The following ZHX3 variants were observed in gnomAD, a reference collection of about 807,000 sequenced individuals.
The protein encoded by ZHX3 is zinc fingers and homeoboxes protein 3.
Under a neutral mutation model 64.5 loss-of-function variants are expected in ZHX3, and 20 were observed. The observed-to-expected ratio is 0.31, with a 90% CI of 0.22 to 0.45. The LOEUF (loss-of-function observed/expected upper bound fraction) is 0.45, where lower values mean the gene tolerates loss of function less well. Ranked by LOEUF, ZHX3 falls within the 20% of genes least tolerant of loss-of-function variation. The pLI, the probability that ZHX3 is intolerant of heterozygous loss-of-function variation, is 1.00. For synonymous variants in ZHX3, 423 were observed against 461.6 expected, an observed-to-expected ratio of 0.92 and a Z score of 1.07; for missense variants, 1,041 against 1,195.8, an observed-to-expected ratio of 0.87 and a Z score of 1.91.
intron 1 of ZHX3, chr20:41,317,078 T>C (rs1050184506): frequency 2.6e-5 from 4 of 152,436 alleles, no homozygotes; most frequent in Non-Finnish European, 5.9e-5. Flanking sequence ...CAGGCGGCTC[T>C]CGGGTGCACA....
At chr20:41,287,460 C>T (rs2043993581) in intron 1 of ZHX3, among the ~76,000 whole-genome samples, 1 of 152,172 alleles carries the variant, frequency 6.6e-6, no homozygotes. Flanking sequence ...AACCTCATCT[C>T]CTTGAGTGTA....
At position 41,181,579 on chromosome 20, in the gene ZHX3, C is replaced by G. The variant is rs2036253512; in HGVS notation, c.*3612G>C. The G allele has an allele frequency of 1.3e-5, 2 of 152,204 alleles. No individual in the cohort carries two copies. Among genetic ancestry groups the G allele is most frequent in the African/African-American group, 4.8e-5 (2 of 41,422 alleles). 9.4% of individuals were successfully genotyped at this position (152,204 alleles called of 1,614,324 possible). On this transcript the variant is annotated 3_prime_UTR_variant, in exon 4 of 4. Coordinates refer to ENST00000683867, the MANE Select transcript of ZHX3 (RefSeq NM_001384317.1). Reference sequence around the variant, plus strand: ...ACGAGGCTCAAGCAGAGAGCATCCACACAGCATCCAACCAGAAAGGCCAGT... The same window carrying G: ...ACGAGGCTCAAGCAGAGAGCATCCAGACAGCATCCAACCAGAAAGGCCAGT...
At chr20:41,234,889 A>G (rs762654288) in intron 2 of ZHX3, among the ~76,000 whole-genome samples, 4 of 152,216 alleles carry the variant, frequency 2.6e-5, no homozygotes, top group Non-Finnish European at 2.9e-5. Flanking sequence ...TGCTGACATG[A>G]AATACAAGAG....
At chr20:41,261,417 G>C (rs534586351) in intron 2 of ZHX3, among the ~76,000 whole-genome samples, 50 of 152,276 alleles carry the variant, frequency 3.3e-4, no homozygotes, top group Non-Finnish European at 5.7e-4. Context: ...TTCCTAGAGT[G>C]GTAGTCAAAC....
At chr20:41,310,332 C>A (rs1311583087) in intron 1 of ZHX3, among the ~76,000 whole-genome samples, 1 of 152,216 alleles carries the variant, frequency 6.6e-6, no homozygotes, top group Non-Finnish European at 1.5e-5. Context: ...AATGGTATGT[C>A]AAACCTTGTT....
chr20:41,279,645 T>C (rs1299149925), intron 1 of ZHX3, among the ~76,000 whole-genome samples: 1 of 151,976 alleles, frequency 6.6e-6, no homozygotes, highest in Non-Finnish European at 1.5e-5. Flanking sequence ...AGAATATATA[T>C]TATAAAAATA....
At chr20:41,197,944 AAGTACAAT>A (rs1266671825) in intron 3 of ZHX3, among the ~76,000 whole-genome samples, 2 of 152,036 alleles carry the variant, frequency 1.3e-5, no homozygotes, top group Non-Finnish European at 2.9e-5. Flanking sequence ...TATAAACCAA[AAGTACAAT>A]AGTACTGGCT....
At chr20:41,282,661 G>A (rs1028501928) in intron 1 of ZHX3, among the ~76,000 whole-genome samples, 1 of 152,028 alleles carries the variant, frequency 6.6e-6, no homozygotes, top group East Asian at 1.9e-4. Context: ...CCCAGCCCAC[G>A]ATTCATCTTT....
intron 2 of ZHX3, among the ~76,000 whole-genome samples, chr20:41,246,598 C>T (rs554759974): frequency 2.6e-5 from 4 of 152,252 alleles, no homozygotes; most frequent in Admixed American, 6.5e-5. Context: ...CTAGGCCAGG[C>T]GCAGTGGCTC....
At position 41,204,311 on chromosome 20, in the gene ZHX3, G is replaced by C. The variant is rs2038518217; in HGVS notation, c.606C>G (p.Leu202=). The change falls in exon 3 of 4, where the codon CTC becomes CTG. Residue 202 remains leucine (L), a synonymous_variant. Coordinates refer to ENST00000683867, the MANE Select transcript of ZHX3 (RefSeq NM_001384317.1). This position sits in a 1 kb window ranked among gnomAD's most constrained non-coding sequence, Gnocchi z 6.6. ...CAGGCTGGCTAGGGACATTCTCCTT[G>C]AGTGTATGAATTTTTTTGGCTTCAG... ...GKAEAKKIHT[L]KENVPSQPVG... is the part of the protein sequence containing the mutation. 1 of 1,614,226 alleles carries C rather than the reference G, an allele frequency of 6.2e-7. No individual in the cohort carries two copies. Among genetic ancestry groups the C allele is most frequent in the East Asian group, 2.2e-5 (1 of 44,882 alleles).
intron 3 of ZHX3, among the ~76,000 whole-genome samples, chr20:41,193,998 C>T (rs1017586618): frequency 6.6e-6 from 1 of 152,148 alleles, no homozygotes; most frequent in East Asian, 1.9e-4. Context: ...CCACAACTGG[C>T]CTCAAGTTTC....
At chr20:41,297,234 T>C (rs991797177) in intron 1 of ZHX3, among the ~76,000 whole-genome samples, 2 of 152,240 alleles carry the variant, frequency 1.3e-5, no homozygotes, top group Non-Finnish European at 2.9e-5. Context: ...CTCCCAAGTA[T>C]TGATGATTCA....
chr20:41,263,133 T>A, intron 2 of ZHX3, among the ~76,000 whole-genome samples: 1 of 151,880 alleles, frequency 6.6e-6, no homozygotes, highest in Non-Finnish European at 1.5e-5. Flanking sequence ...CAATAATAAA[T>A]TAAAGAGTAT....
intron 2 of ZHX3, among the ~76,000 whole-genome samples, chr20:41,238,992 C>CTCTT (rs1441146284): frequency 4.6e-5 from 4 of 86,300 alleles, no homozygotes; most frequent in Non-Finnish European, 6.3e-5. Flanking sequence ...TTTTCTCTCT[C>CTCTT]TTTTTTTTTT....
chr20:41,242,164 T>C (rs567888028), intron 2 of ZHX3, among the ~76,000 whole-genome samples: 1 of 152,324 alleles, frequency 6.6e-6, no homozygotes, highest in South Asian at 2.1e-4. Flanking sequence ...GATAAAATTA[T>C]AGGATGTCAG....
intron 2 of ZHX3, among the ~76,000 whole-genome samples, chr20:41,243,011 T>C (rs2041481174): frequency 6.6e-6 from 1 of 152,184 alleles, no homozygotes; most frequent in Non-Finnish European, 1.5e-5. Context: ...GGATGTGGTG[T>C]CCCTCTCATG....
chr20:41,193,782 C>G (rs2037254323), intron 3 of ZHX3, among the ~76,000 whole-genome samples: 1 of 151,550 alleles, frequency 6.6e-6, no homozygotes, highest in Non-Finnish European at 1.5e-5. Flanking sequence ...TCTCGGCTCA[C>G]TGCAAGCTCT....
rs539110369 is a variant in ZHX3 at position 41,194,270 on chromosome 20, CTGAG to C, written c.2860+7783_2860+7786del. ...CATCATATTGTCATATTCCTAGTTA[CTGAG>C]TGTTTATTGTCATGAAAGCAAGTTG... On this transcript the variant is annotated intron_variant, in intron 3 of 3. Transcript: ENST00000683867. Among the ~76,000 whole-genome samples, 10 of 152,068 alleles carry C rather than the reference CTGAG, an allele frequency of 6.6e-5. No homozygotes were observed. The East Asian group carries it at 1.7e-3, about 26-fold the overall frequency.
At chr20:41,252,701 C>T (rs978195206) in intron 2 of ZHX3, among the ~76,000 whole-genome samples, 12 of 152,100 alleles carry the variant, frequency 7.9e-5, no homozygotes, top group African/African-American at 2.9e-4. Flanking sequence ...TTCTTCCTCA[C>T]CCATTACTTA....
Sources: allele counts gnomAD v4.1 joint callset (sites outside exome capture counted in the v4.1 genomes callset), GRCh38; gene constraint gnomAD v4.1.1; non-coding constraint Gnocchi (gnomAD v3.1); transcripts MANE v1.5; gene names NCBI Gene and HGNC (gene_info 2026-07-23, HGNC 2026-07-21).